Variants in RSU1 observed in about 807,000 individuals in gnomAD.
RSU1 encodes Ras suppressor protein 1.
RSU1 carries 26 observed loss-of-function variants against 31.1 expected under a neutral mutation model. The observed-to-expected ratio is 0.84, with a 90% CI of 0.61 to 1.16. RSU1 has a LOEUF of 1.16. RSU1 is among the 50% of genes most tolerant of loss of function. The pLI is 0.00. For synonymous variants in RSU1, 164 were observed against 136.3 expected (o/e 1.20, Z -1.41); for missense variants, 320 against 339.1 (o/e 0.94, Z 0.44).
intron 8 of RSU1, among the ~76,000 whole-genome samples, chr10:16,680,293 C>T (rs1205900275): frequency 5.3e-5 from 8 of 151,772 alleles, no homozygotes; most frequent in Admixed American, 2.6e-4. Context: ...AGAATGTACA[C>T]GTGAAGCCTG....
intron 8 of RSU1, among the ~76,000 whole-genome samples, chr10:16,608,641 A>G (rs1035668201): frequency 3.3e-5 from 5 of 152,130 alleles, no homozygotes; most frequent in Admixed American, 6.5e-5. Context: ...GGAGCAAGTG[A>G]ACACCTGGCA....
chr10:16,604,817 C>T (rs2131461623), intron 8 of RSU1, among the ~76,000 whole-genome samples: 1 of 152,302 alleles, frequency 6.6e-6, no homozygotes, highest in East Asian at 1.9e-4. Context: ...GGTGCCGTAA[C>T]TGGTTTACAC....
At chr10:16,610,888 T>A (rs774429957) in intron 8 of RSU1, among the ~76,000 whole-genome samples, 1 of 152,206 alleles carries the variant, frequency 6.6e-6, no homozygotes, top group Non-Finnish European at 1.5e-5. Context: ...AAATCTGTTA[T>A]CTAGAGTCCC....
chr10:16,778,265 A>G (rs1423204519), intron 3 of RSU1, among the ~76,000 whole-genome samples: 1 of 152,008 alleles, frequency 6.6e-6, no homozygotes, highest in African/African-American at 2.4e-5. Flanking sequence ...ATGAGCACAC[A>G]ACGAGTAAGA....
intron 8 of RSU1, among the ~76,000 whole-genome samples, chr10:16,608,414 GCTACCTA>G (rs147423213): frequency 0.11 from 17,195 of 152,060 alleles, 1,162 homozygotes; most frequent in Non-Finnish European, 0.16. Context: ...AAAATACCCA[GCTACCTA>G]CTACCTACAT....
intron 7 of RSU1, among the ~76,000 whole-genome samples, chr10:16,697,851 T>A (rs924437533): frequency 6.6e-6 from 1 of 152,074 alleles, no homozygotes; most frequent in Non-Finnish European, 1.5e-5. Context: ...AAATTGGTTA[T>A]CCTAATGAGA....
At chr10:16,733,586 G>A (rs1347633770) in intron 7 of RSU1, among the ~76,000 whole-genome samples, 1 of 152,092 alleles carries the variant, frequency 6.6e-6, no homozygotes, top group Non-Finnish European at 1.5e-5. Context: ...AGTGATCAGC[G>A]AAAACTCTCA....
chr10:16,807,023 G>T (rs924812625), intron 2 of RSU1, among the ~76,000 whole-genome samples: 3 of 152,134 alleles, frequency 2.0e-5, no homozygotes, highest in African/African-American at 7.2e-5. Context: ...CTCCGGAAGC[G>T]CTGGGATTAC....
chr10:16,781,029 G>T (rs11254180), intron 3 of RSU1, among the ~76,000 whole-genome samples: 1 of 152,034 alleles, frequency 6.6e-6, no homozygotes, highest in African/African-American at 2.4e-5. Flanking sequence ...ATCGCTTCAA[G>T]CTGTATATAA....
chr10:16,787,932 T>C (rs1837829149), intron 2 of RSU1, among the ~76,000 whole-genome samples: 1 of 152,192 alleles, frequency 6.6e-6, no homozygotes, highest in African/African-American at 2.4e-5. Flanking sequence ...GAAAAGCATT[T>C]TTGTGGCTTT....
At chr10:16,668,180 C>G (rs1487174213) in intron 8 of RSU1, among the ~76,000 whole-genome samples, 3 of 152,114 alleles carry the variant, frequency 2.0e-5, no homozygotes, top group African/African-American at 7.2e-5. Context: ...CAGTATTCAC[C>G]TCATAGAGTT....
rs545528931 is a variant in RSU1, at chr10:16,679,530, G to A, written c.731+15493C>T. Reference sequence around the variant, plus strand: ...GATGGGCAGTAGGGAAACCTTCCAAGAAAAGATCTCTGAGGAAGCGATATT... The same window carrying A: ...GATGGGCAGTAGGGAAACCTTCCAAAAAAAGATCTCTGAGGAAGCGATATT... On this transcript the variant is annotated intron_variant, in intron 8 of 8. Transcript: ENST00000345264. Among the ~76,000 whole-genome samples, 4 of 152,296 alleles carry A rather than the reference G, an allele frequency of 2.6e-5. No homozygotes were observed. In the South Asian group the frequency reaches 8.3e-4, roughly 32 times the overall value.
At chr10:16,637,729 C>T (rs1032099236) in intron 8 of RSU1, among the ~76,000 whole-genome samples, 4 of 151,740 alleles carry the variant, frequency 2.6e-5, no homozygotes, top group East Asian at 1.9e-4. Flanking sequence ...TTTAGATGAC[C>T]GCGTAAACAT....
At chr10:16,682,800 C>G (rs1835355647) in intron 8 of RSU1, among the ~76,000 whole-genome samples, 1 of 151,990 alleles carries the variant, frequency 6.6e-6, no homozygotes, top group African/African-American at 2.4e-5. Context: ...AGCCATTACA[C>G]AGGACCACAC....
chr10:16,702,430 C>T (rs574275434), intron 7 of RSU1, among the ~76,000 whole-genome samples: 1 of 152,356 alleles, frequency 6.6e-6, no homozygotes, highest in East Asian at 1.9e-4. Flanking sequence ...CCCAATAGAG[C>T]AGTCACAGGA....
chr10:16,752,830 C>A, intron 6 of RSU1, 88 bp downstream of exon 6: 1 of 1,252,040 alleles, frequency 8.0e-7, no homozygotes, highest in Non-Finnish European at 1.2e-6. Flanking sequence ...ACAAAACAAA[C>A]CTTACTCCTG....
At chr10:16,682,535 T>TACACACATACACACACAC (rs748846847) in intron 8 of RSU1, among the ~76,000 whole-genome samples, 2 of 26,478 alleles carry the variant, frequency 7.6e-5, no homozygotes, top group African/African-American at 3.0e-4. Context: ...AAATCATTCA[T>TACACACATACACACACAC]ACACACACAC....
intron 7 of RSU1, among the ~76,000 whole-genome samples, chr10:16,696,976 A>G (rs1031186297): frequency 2.0e-5 from 3 of 152,092 alleles, no homozygotes; most frequent in South Asian, 4.1e-4. Flanking sequence ...TGTCTTCCAT[A>G]TAATTCCTTC....
At chr10:16,810,785 G>A (rs752728613) in intron 2 of RSU1, among the ~76,000 whole-genome samples, 4 of 152,214 alleles carry the variant, frequency 2.6e-5, no homozygotes, top group Non-Finnish European at 4.4e-5. Context: ...CACCCGGGAG[G>A]CTGGGGCAGG....
Sources: gnomAD v4.1 joint callset for allele counts (sites outside exome capture counted in the v4.1 genomes callset) on GRCh38, gnomAD v4.1.1 for gene constraint, MANE v1.5 for transcripts, NCBI Gene and HGNC (gene_info 2026-07-23, HGNC 2026-07-21) for gene names.